The following TCL1A variants were observed in gnomAD, a reference collection of about 807,000 sequenced individuals.
The protein encoded by TCL1A is TCL1 family AKT coactivator A, also known as T-cell leukemia/lymphoma protein 1A.
Under a neutral mutation model 16.9 loss-of-function variants are expected in TCL1A, and 9 were observed. That is an observed-to-expected ratio of 0.53 (90% CI 0.32 to 0.93). TCL1A has a LOEUF of 0.93. Ranked by LOEUF, TCL1A falls within the 40% of genes least tolerant of loss-of-function variation. The probability of loss-of-function intolerance (pLI) is 0.04; values close to 1 mark genes in which losing one functional copy is unlikely to be tolerated. For missense variants in TCL1A, 139 were observed against 153.0 expected, an observed-to-expected ratio of 0.91 and a Z score of 0.48; for synonymous variants, 69 against 63.2, an observed-to-expected ratio of 1.09 and a Z score of -0.44.
intron 2 of TCL1A, 101 bp from the exon 3 acceptor site, chr14:95,711,903 G>C (rs1001502041): frequency 8.2e-6 from 12 of 1,468,770 alleles, no homozygotes; most frequent in Non-Finnish European, 1.1e-5. Flanking sequence ...CAGCAGGTAG[G>C]AACCCAGGTG....
At chr14:95,713,708 C>G (rs1344311917) in intron 1 of TCL1A, among the ~76,000 whole-genome samples, 1 of 152,216 alleles carries the variant, frequency 6.6e-6, no homozygotes, top group Non-Finnish European at 1.5e-5. Flanking sequence ...ATTATAGTCA[C>G]ACTCCACAGG....
At chr14:95,711,049 A>C (rs2097599884) in intron 3 of TCL1A, among the ~76,000 whole-genome samples, 168 bp from the exon 4 acceptor site, 1 of 152,182 alleles carries the variant, frequency 6.6e-6, no homozygotes. Flanking sequence ...TGTAATCTGA[A>C]GATGTCACTA....
intron 3 of TCL1A, among the ~76,000 whole-genome samples, chr14:95,711,295 TAAAAAAAA>T (rs1163643091): frequency 1.3e-5 from 1 of 79,738 alleles, no homozygotes; most frequent in South Asian, 4.2e-4. Flanking sequence ...CCGTCTCTAC[TAAAAAAAA>T]AAAAAAAAAA....
In TCL1A at chr14:95,712,274, A is replaced by G. The variant is rs755614627; in HGVS notation, c.243T>C (p.Asp81=). 14 of 1,614,062 alleles carry G rather than the reference A, an allele frequency of 8.7e-6. No homozygotes were observed. Residue 81 remains aspartate, a synonymous_variant, in exon 2 of 4, where the codon GAT becomes GAC. Transcript: ENST00000402399. ...TGGAGTCTGAGGATCGGTATCGTCC[A>G]TCAGGGTAGAGCTGCCACATGATAG... ...LLPIMWQLYP[D]GRYRSSDSSF...
At chr14:95,711,945 C>T (rs1470665445) in intron 2 of TCL1A, 143 bp from the exon 3 acceptor site, 1 of 1,070,592 alleles carries the variant, frequency 9.3e-7, no homozygotes, top group Non-Finnish European at 1.3e-6. Context: ...GAGACTGCCC[C>T]TCCTCCCACC....
chr14:95,713,356 T>C (rs2139722492), intron 1 of TCL1A, among the ~76,000 whole-genome samples: 1 of 152,378 alleles, frequency 6.6e-6, no homozygotes, highest in African/African-American at 2.4e-5. Context: ...AAGACTTATC[T>C]ATTTCTTTAA....
At chr14:95,712,557 A>G in intron 1 of TCL1A, 161 bp from the exon 2 acceptor site, 1 of 1,474,838 alleles carries the variant, frequency 6.8e-7, no homozygotes, top group Non-Finnish European at 8.9e-7. Context: ...TCACTTCCTT[A>G]GGCCATGCAT....
At chr14:95,711,236 G>A (rs1886339609) in intron 3 of TCL1A, among the ~76,000 whole-genome samples, 2 of 148,812 alleles carry the variant, frequency 1.3e-5, no homozygotes, top group African/African-American at 5.0e-5. Flanking sequence ...GAGGCGGGCA[G>A]ATCATGAGGT....
intron 1 of TCL1A, among the ~76,000 whole-genome samples, chr14:95,713,337 T>G (rs559986769): frequency 6.6e-6 from 1 of 152,354 alleles, no homozygotes; most frequent in East Asian, 1.9e-4. Flanking sequence ...TAAATCCAAA[T>G]ACTTGTAAAA....
At chr14:95,711,928 G>T (rs1886366860) in intron 2 of TCL1A, 126 bp from the exon 3 acceptor site, 2 of 1,255,094 alleles carry the variant, frequency 1.6e-6, no homozygotes, top group Non-Finnish European at 2.2e-6. Context: ...GATTTCAGGG[G>T]CTCTTGGAGA....
intron 1 of TCL1A, among the ~76,000 whole-genome samples, chr14:95,713,636 T>A (rs542927682): frequency 1.3e-5 from 2 of 152,258 alleles, no homozygotes; most frequent in African/African-American, 2.4e-5. Context: ...ATGAGTCACT[T>A]AGAGATACCC....
intron 1 of TCL1A, chr14:95,712,677 C>G (rs1408580179): frequency 7.2e-7 from 1 of 1,389,022 alleles, no homozygotes. Flanking sequence ...TGCAGCGGCT[C>G]ACACTTGTAA....
intron 1 of TCL1A, among the ~76,000 whole-genome samples, chr14:95,713,683 C>A (rs139445257): frequency 2.0e-5 from 3 of 152,304 alleles, no homozygotes; most frequent in African/African-American, 4.8e-5. Context: ...CCAGAAAATG[C>A]CTGCTGTAGT....
chr14:95,714,114 C>G lies in TCL1A; in HGVS notation c.-48G>C, dbSNP rs1595068652. ...AGCAAGAGCCAGAGCCTCTCAAGGC[C>G]GCTCGCTGGTCCCTGGGATGTGGGG... On this transcript the variant is annotated 5_prime_UTR_variant, in exon 1 of 4. Coordinates refer to ENST00000402399, the MANE Select transcript of TCL1A (RefSeq NM_021966.3). The G allele has an allele frequency of 1.2e-6, 2 of 1,604,828 alleles. No individual in the cohort carries two copies. Among genetic ancestry groups the G allele is most frequent in the Non-Finnish European group, 1.7e-6 (2 of 1,177,180 alleles).
At chr14:95,711,676 T>G in intron 3 of TCL1A, 73 bp downstream of exon 3, 2 of 1,543,568 alleles carry the variant, frequency 1.3e-6, no homozygotes, top group Non-Finnish European at 8.9e-7. Flanking sequence ...ACTGCCTTCA[T>G]GGAGAAGGGG....
At chr14:95,713,637 A>T (rs555115522) in intron 1 of TCL1A, among the ~76,000 whole-genome samples, 1 of 152,304 alleles carries the variant, frequency 6.6e-6, no homozygotes, top group African/African-American at 2.4e-5. Flanking sequence ...TGAGTCACTT[A>T]GAGATACCCA....
Position 95,714,092 on chromosome 14 carries a change from AAG to A in TCL1A, c.-28_-27del, listed in dbSNP as rs746353768. The A allele has an allele frequency of 6.2e-7, 1 of 1,612,116 alleles. No individual in the cohort carries two copies. The highest frequency in any genetic ancestry group is 1.1e-5 in the South Asian group (1 of 91,028). On this transcript the variant is annotated 5_prime_UTR_variant, in exon 1 of 4. Transcript: ENST00000402399. Reference sequence around the variant, plus strand: ...GGCGTCCTCGGGCCGCCTAAGAAGCAAGAGCCAGAGCCTCTCAAGGCCGCTCG... The same window carrying A: ...GGCGTCCTCGGGCCGCCTAAGAAGCAAGCCAGAGCCTCTCAAGGCCGCTCG...
At chr14:95,713,869 C>A in intron 1 of TCL1A, 78 bp downstream of exon 1, 1 of 1,583,526 alleles carries the variant, frequency 6.3e-7, no homozygotes, top group Non-Finnish European at 8.6e-7. Flanking sequence ...CTCCTTGAGT[C>A]CTCGCCCTTC....
chr14:95,713,990 T>A lies in TCL1A; in HGVS notation c.77A>T (p.Tyr26Phe), dbSNP rs535694583. The change falls in exon 1 of 4, where the codon TAT (tyrosine) becomes TTT (phenylalanine). Residue 26 changes from tyrosine to phenylalanine, a missense_variant. Physicochemically the swap from Tyr to Phe is conservative, Grantham distance 22. This residue lies in a region of TCL1A where 94 missense variants were observed against 80.2 expected (regional missense o/e 1.17). Transcript: ENST00000402399. ...DRLWAWEKFV[Y>F]LDEKQHAWLP... ...CCAGGCGTGCTGCTTCTCGTCCAAA[T>A]ACACGAACTTCTCCCAGGCCCACAG... 6.2e-7 allele frequency: 1 copy of A among 1,614,058 alleles called. No homozygotes were observed. Among genetic ancestry groups the A allele is most frequent in the Non-Finnish European group, 8.5e-7 (1 of 1,180,022 alleles).
Sources: gnomAD v4.1 joint callset for allele counts (sites outside exome capture counted in the v4.1 genomes callset) on GRCh38, gnomAD v4.1.1 for gene constraint, gnomAD v4.1.1 regional missense constraint, MANE v1.5 for transcripts, NCBI Gene and HGNC (gene_info 2026-07-23, HGNC 2026-07-21) for gene names.